CLYBL: variants seen among roughly 807,000 people sequenced by gnomAD.
CLYBL encodes the protein citramalyl-CoA lyase, mitochondrial.
In CLYBL, 31 loss-of-function variants were observed where a neutral mutation model predicts 38.9. The observed-to-expected ratio is 0.80, with a 90% CI of 0.60 to 1.08. The LOEUF (loss-of-function observed/expected upper bound fraction) is 1.08, where lower values mean the gene tolerates loss of function less well. Ranked by LOEUF, CLYBL falls within the 50% of genes least tolerant of loss-of-function variation. The pLI is 0.00. For missense variants in CLYBL, 434 were observed against 411.6 expected (o/e 1.05, Z -0.47); for synonymous variants, 171 against 158.6 (o/e 1.08, Z -0.59).
chr13:99,675,407 G>T (rs2047629431), intron 1 of CLYBL, among the ~76,000 whole-genome samples: 1 of 152,112 alleles, frequency 6.6e-6, no homozygotes, highest in South Asian at 2.1e-4. Context: ...ACAGTTCAAT[G>T]AATTTAATGG....
In CLYBL at chr13:99,627,840, C is replaced by G. The variant is rs114097297; in HGVS notation, c.62+21083C>G. Among the ~76,000 whole-genome samples, 680 of 152,270 alleles carry G rather than the reference C, an allele frequency of 4.5e-3. 4 individuals carry two copies. The highest frequency in any genetic ancestry group is 0.015 in the African/African-American group (643 of 41,542). On this transcript the variant is annotated intron_variant, in intron 1 of 8. Coordinates refer to ENST00000339105, the MANE Select transcript of CLYBL (RefSeq NM_206808.5). ...CTCAGACCTGCATTCACGTATTTAG[C>G]CTGCCATAAGTCACTGTCAAAATGA...
At chr13:99,836,883 A>C (rs1472584734) in intron 2 of CLYBL, among the ~76,000 whole-genome samples, 8 of 150,340 alleles carry the variant, frequency 5.3e-5, no homozygotes, top group South Asian at 2.1e-4. Context: ...CACACCGGGG[A>C]CTGTTGTGGG....
intron 1 of CLYBL, among the ~76,000 whole-genome samples, chr13:99,770,080 CTTT>C (rs3033589): frequency 9.7e-6 from 1 of 103,168 alleles, no homozygotes; most frequent in Admixed American, 1.1e-4. Context: ...TCTTTTCTTT[CTTT>C]TTTTTTTTTT....
intron 1 of CLYBL, among the ~76,000 whole-genome samples, chr13:99,771,286 A>T (rs2049390227): frequency 6.6e-6 from 1 of 152,054 alleles, no homozygotes; most frequent in Non-Finnish European, 1.5e-5. Context: ...GGCTCAAGTG[A>T]TCTGCCTGCC....
intron 2 of CLYBL, among the ~76,000 whole-genome samples, chr13:99,834,951 C>A (rs1240091599): frequency 1.3e-5 from 2 of 152,196 alleles, no homozygotes; most frequent in Non-Finnish European, 2.9e-5. Context: ...GTACACTTAC[C>A]CCCAAATTCT....
intron 1 of CLYBL, among the ~76,000 whole-genome samples, chr13:99,659,356 G>A (rs952960760): frequency 2.0e-5 from 3 of 152,124 alleles, no homozygotes; most frequent in African/African-American, 4.8e-5. Context: ...GCATTCAAAA[G>A]TTCCGTTAAG....
At chr13:99,741,053 C>A (rs879568838) in intron 1 of CLYBL, among the ~76,000 whole-genome samples, 5 of 152,198 alleles carry the variant, frequency 3.3e-5, no homozygotes, top group Admixed American at 6.5e-5. Context: ...AATTCATTAT[C>A]AATGAATTCA....
At position 99,866,277 on chromosome 13, in the gene CLYBL, C is replaced by A. The variant is rs145178349; in HGVS notation, c.672C>A (p.Tyr224Ter). ...TSSKETLDIL[Y>*]ARQKIVVIAK... Reference sequence around the variant, plus strand: ...GTAAAGAAACCCTGGATATTCTCTACGCCCGGCAAAAGATTGTTGTCATAG... The same window carrying A: ...GTAAAGAAACCCTGGATATTCTCTAAGCCCGGCAAAAGATTGTTGTCATAG... The change falls in exon 6 of 9, where the codon TAC (tyrosine) becomes TAA (stop). Residue 224 changes from tyrosine (Y) to a stop codon, truncating the protein, a stop_gained. Transcript: ENST00000339105. LOFTEE classifies it high-confidence loss of function. 6.2e-7 allele frequency: 1 copy of A among 1,613,976 alleles called. No homozygotes were observed. Among genetic ancestry groups the A allele is most frequent in the South Asian group, 1.1e-5 (1 of 91,054 alleles).
intron 1 of CLYBL, among the ~76,000 whole-genome samples, chr13:99,658,982 A>G (rs2047370575): frequency 6.6e-6 from 1 of 152,178 alleles, no homozygotes. Context: ...CACTTTTTAC[A>G]TAATTAAAAG....
At chr13:99,721,472 A>AATAT (rs147301640) in intron 1 of CLYBL, among the ~76,000 whole-genome samples, 119 of 149,772 alleles carry the variant, frequency 7.9e-4, no homozygotes, top group Non-Finnish European at 1.4e-3. Flanking sequence ...TCTTTTTTTA[A>AATAT]ATATATATAT....
intron 2 of CLYBL, among the ~76,000 whole-genome samples, chr13:99,794,544 G>T (rs1046489495): frequency 6.9e-5 from 10 of 145,716 alleles, no homozygotes; most frequent in African/African-American, 2.6e-4. Context: ...AATTTCATTT[G>T]CCACAATTTA....
chr13:99,747,250 TC>T (rs935257621), intron 1 of CLYBL, among the ~76,000 whole-genome samples: 16 of 109,282 alleles, frequency 1.5e-4, no homozygotes, highest in South Asian at 7.2e-4. Context: ...CTTTTCCTCC[TC>T]CCCTCCTCCT....
At chr13:99,871,186 G>A in intron 7 of CLYBL, 124 bp downstream of exon 7, 1 of 1,122,914 alleles carries the variant, frequency 8.9e-7, no homozygotes, top group Non-Finnish European at 1.3e-6. Context: ...GGGAAAGGGA[G>A]GGAACACAAC....
chr13:99,750,098 C>T (rs1442692134), intron 1 of CLYBL, among the ~76,000 whole-genome samples: 1 of 152,250 alleles, frequency 6.6e-6, no homozygotes, highest in South Asian at 2.1e-4. Context: ...AATTGCCAGA[C>T]GAGGTCAGAC....
rs116798953 is a variant in CLYBL, at chr13:99,710,640, G to A, written c.63-62184G>A. On this transcript the variant is annotated intron_variant, in intron 1 of 8. Transcript: ENST00000339105. ...TTTATCTTCCTTTCCCAAATGAGAG[G>A]TGTCCTTCTTCTCCGGTATCAGCCC... 1.9e-3 allele frequency among the ~76,000 whole-genome samples: 295 copies of A among 152,196 alleles called. 1 individual carries two copies. The highest frequency in any genetic ancestry group is 6.8e-3 in the African/African-American group (281 of 41,518).
intron 2 of CLYBL, among the ~76,000 whole-genome samples, chr13:99,837,794 C>A (rs773936598): frequency 3.3e-5 from 5 of 149,822 alleles, no homozygotes; most frequent in Non-Finnish European, 5.9e-5. Flanking sequence ...ACAAGGGGAG[C>A]CTTTAGAAGC....
intron 1 of CLYBL, among the ~76,000 whole-genome samples, chr13:99,680,227 T>G (rs1397153541): frequency 6.6e-6 from 1 of 152,236 alleles, no homozygotes; most frequent in Non-Finnish European, 1.5e-5. Flanking sequence ...CTGACACCCA[T>G]TTTTAATTTC....
chr13:99,680,080 G>T (rs74112531), intron 1 of CLYBL, among the ~76,000 whole-genome samples: 2,719 of 152,254 alleles, frequency 0.018, 69 homozygotes, highest in African/African-American at 0.061. Context: ...AAACTGGCTC[G>T]TGTTTTCATG....
chr13:99,831,808 G>A (rs1280273897), intron 2 of CLYBL, among the ~76,000 whole-genome samples: 1 of 146,672 alleles, frequency 6.8e-6, no homozygotes, highest in East Asian at 2.0e-4. Flanking sequence ...GCCTTGTTTT[G>A]GTAACTTTGT....
Sources: allele counts gnomAD v4.1 joint callset (sites outside exome capture counted in the v4.1 genomes callset), GRCh38; gene constraint gnomAD v4.1.1; transcripts MANE v1.5; gene names NCBI Gene and HGNC (gene_info 2026-07-23, HGNC 2026-07-21).